Variants in ROR2 observed in about 807,000 individuals in gnomAD.
ROR2 encodes the protein tyrosine-protein kinase transmembrane receptor ROR2.
Under a neutral mutation model 74.9 loss-of-function variants are expected in ROR2, and 33 were observed. That is an observed-to-expected ratio of 0.44 (90% confidence interval 0.33 to 0.59). The LOEUF is 0.59. Among genes scored for constraint, ROR2 ranks in the 20% least tolerant of loss-of-function variants. ROR2 has a pLI of 0.02. For missense variants in ROR2, 1,216 were observed against 1,313.8 expected (o/e 0.93, Z 1.15); for synonymous variants, 586 against 558.7 (o/e 1.05, Z -0.69).
At chr9:91,755,736 CCT>C (rs1382759737) in intron 4 of ROR2, among the ~76,000 whole-genome samples, 1 of 152,206 alleles carries the variant, frequency 6.6e-6, no homozygotes, top group African/African-American at 2.4e-5. Flanking sequence ...GAATTACGTC[CCT>C]GTTTCCCAAT....
At chr9:91,760,793 A>C (rs1205063769) in intron 2 of ROR2, among the ~76,000 whole-genome samples, 1 of 152,170 alleles carries the variant, frequency 6.6e-6, no homozygotes, top group Admixed American at 6.5e-5. Flanking sequence ...TACCCACTTC[A>C]TGATATTGAG....
At chr9:91,859,582 G>A (rs895382635) in intron 1 of ROR2, among the ~76,000 whole-genome samples, 1 of 152,082 alleles carries the variant, frequency 6.6e-6, no homozygotes, top group Non-Finnish European at 1.5e-5. Flanking sequence ...CAGCACTTTG[G>A]GAGGCAGAGG....
intron 1 of ROR2, among the ~76,000 whole-genome samples, 193 bp downstream of exon 1, chr9:91,949,674 T>A (rs890880570): frequency 6.6e-6 from 1 of 151,944 alleles, no homozygotes; most frequent in Non-Finnish European, 1.5e-5. Context: ...CGCGGCTTAT[T>A]GTAACCAGCC....
intron 1 of ROR2, among the ~76,000 whole-genome samples, chr9:91,875,559 A>G (rs774400796): frequency 3.9e-5 from 6 of 152,234 alleles, no homozygotes; most frequent in Non-Finnish European, 7.3e-5. Flanking sequence ...ATAAGAATGA[A>G]ACAAAGTAAG....
intron 2 of ROR2, among the ~76,000 whole-genome samples, chr9:91,765,516 C>T (rs563569391): frequency 6.6e-6 from 1 of 152,182 alleles, no homozygotes; most frequent in Non-Finnish European, 1.5e-5. Context: ...TTTATCTTAA[C>T]TTTTTGGCTT....
chr9:91,949,421 G>A (rs906463145), intron 1 of ROR2, among the ~76,000 whole-genome samples: 1 of 151,954 alleles, frequency 6.6e-6, no homozygotes, highest in African/African-American at 2.4e-5. Flanking sequence ...GGGGGTGGGG[G>A]GACGCTCCGA....
chr9:91,810,387 C>T (rs933173598), intron 1 of ROR2, among the ~76,000 whole-genome samples: 2 of 152,132 alleles, frequency 1.3e-5, no homozygotes, highest in Non-Finnish European at 2.9e-5. Context: ...AGTTTCAGGC[C>T]CGAAGCACCT....
At chr9:91,868,595 G>C (rs1432204660) in intron 1 of ROR2, among the ~76,000 whole-genome samples, 1 of 152,178 alleles carries the variant, frequency 6.6e-6, no homozygotes, top group African/African-American at 2.4e-5. Context: ...GTTATTTATA[G>C]AGGTAAAACT....
intron 1 of ROR2, among the ~76,000 whole-genome samples, chr9:91,827,292 A>G (rs1280431475): frequency 6.6e-6 from 1 of 152,064 alleles, no homozygotes; most frequent in Non-Finnish European, 1.5e-5. Flanking sequence ...TGAATATTAC[A>G]TTTTGAAGGT....
chr9:91,925,947 TAAG>T (rs1193986231), intron 1 of ROR2, among the ~76,000 whole-genome samples: 5 of 152,190 alleles, frequency 3.3e-5, no homozygotes, highest in African/African-American at 7.2e-5. Context: ...CGTGCACACT[TAAG>T]AAGACATCCT....
At chr9:91,886,979 C>T (rs1013011389) in intron 1 of ROR2, 1 of 152,146 alleles carries the variant, frequency 6.6e-6, no homozygotes, top group Non-Finnish European at 1.5e-5. Flanking sequence ...TCGGGAAATA[C>T]AACCTCTTCA....
At chr9:91,824,031 G>C (rs149883643) in intron 1 of ROR2, among the ~76,000 whole-genome samples, 281 of 152,320 alleles carry the variant, frequency 1.8e-3, no homozygotes, top group African/African-American at 6.5e-3. Context: ...TTTTCACAAT[G>C]AGCTGGTGCT....
At chr9:91,878,969 G>A (rs1056406784) in intron 1 of ROR2, among the ~76,000 whole-genome samples, 2 of 152,066 alleles carry the variant, frequency 1.3e-5, no homozygotes, top group Non-Finnish European at 2.9e-5. Context: ...GTGAACCCGG[G>A]AGGCGGAGCT....
intron 1 of ROR2, among the ~76,000 whole-genome samples, chr9:91,851,250 G>A (rs1247023977): frequency 6.6e-6 from 1 of 151,870 alleles, no homozygotes; most frequent in Non-Finnish European, 1.5e-5. Context: ...TACTCAGGAG[G>A]CTGAGGCAGG....
intron 4 of ROR2, among the ~76,000 whole-genome samples, chr9:91,739,017 C>A (rs1251334002): frequency 1.3e-5 from 2 of 152,204 alleles, no homozygotes; most frequent in African/African-American, 4.8e-5. Context: ...GCCAATGAGC[C>A]ACAGCAGACA....
At chr9:91,816,896 C>A (rs962863171) in intron 1 of ROR2, among the ~76,000 whole-genome samples, 3 of 152,196 alleles carry the variant, frequency 2.0e-5, no homozygotes, top group African/African-American at 7.2e-5. Context: ...AGATAACCAT[C>A]CCACAGCAAA....
intron 1 of ROR2, among the ~76,000 whole-genome samples, chr9:91,939,036 A>T (rs1445449443): frequency 1.3e-5 from 2 of 152,132 alleles, no homozygotes; most frequent in Non-Finnish European, 2.9e-5. Flanking sequence ...GGATCACAAG[A>T]TCAGGAGATC....
In ROR2 at chr9:91,874,270, C is replaced by T. The variant is rs989667404; in HGVS notation, c.97+75597G>A. Among the ~76,000 whole-genome samples the T allele has an allele frequency of 1.3e-5, 2 of 152,178 alleles. 1 individual carries two copies. The highest frequency in any genetic ancestry group is 4.1e-4 in the South Asian group (2 of 4,826). Reference sequence around the variant, plus strand: ...GTGGCGGCCACTTGGCCACCTGCACCGGTTCAGGAGGCTCTGCACACTCGC... The same window carrying T: ...GTGGCGGCCACTTGGCCACCTGCACTGGTTCAGGAGGCTCTGCACACTCGC... On this transcript the variant is annotated intron_variant, in intron 1 of 8. Transcript: ENST00000375708.
intron 1 of ROR2, among the ~76,000 whole-genome samples, chr9:91,919,783 G>A (rs1221133520): frequency 1.3e-5 from 2 of 152,072 alleles, no homozygotes; most frequent in Non-Finnish European, 2.9e-5. Flanking sequence ...CAGCCTGGCC[G>A]ATCTCACACT....
Sources: allele counts gnomAD v4.1 joint callset (sites outside exome capture counted in the v4.1 genomes callset), GRCh38; gene constraint gnomAD v4.1.1; transcripts MANE v1.5; gene names NCBI Gene and HGNC (gene_info 2026-07-23, HGNC 2026-07-21).